Variants in GRAMD1A observed in about 807,000 individuals in gnomAD.
GRAMD1A encodes protein Aster-A.
GRAMD1A carries 50 observed loss-of-function variants against 92.0 expected under a neutral mutation model. The ratio of observed to expected loss-of-function variants is 0.54; its 90% CI spans 0.43 to 0.69. The LOEUF is 0.69. Among genes scored for constraint, GRAMD1A ranks in the 30% least tolerant of loss-of-function variants. GRAMD1A has a pLI of 0.00. For missense variants in GRAMD1A, 819 were observed against 978.9 expected, an observed-to-expected ratio of 0.84 and a Z score of 2.18; for synonymous variants, 405 against 403.6, an observed-to-expected ratio of 1.00 and a Z score of -0.04.
intron 7 of GRAMD1A, among the ~76,000 whole-genome samples, chr19:35,012,170 A>G (rs972078429): frequency 2.6e-5 from 4 of 152,196 alleles, no homozygotes; most frequent in Non-Finnish European, 5.9e-5. Context: ...GTCAGCTCTT[A>G]TGAGCAGAGT....
At chr19:35,006,911 C>G (rs1312780271) in intron 1 of GRAMD1A, among the ~76,000 whole-genome samples, 1 of 152,168 alleles carries the variant, frequency 6.6e-6, no homozygotes, top group Non-Finnish European at 1.5e-5. Flanking sequence ...GGGGACAGAG[C>G]TGGTGATGCC....
Position 35,010,516 on chromosome 19 carries a change from G to A in GRAMD1A, c.525+137G>A, listed in dbSNP as rs1385406405. On this transcript the variant is annotated intron_variant, in intron 6 of 19. Transcript: ENST00000317991. ...CCTTCTCTCTGTTCTCCCGGCCCAGGCGCCCATCACCCCTGACCTGATCCC... is the reference window on the plus strand; with the variant it reads ...CCTTCTCTCTGTTCTCCCGGCCCAGACGCCCATCACCCCTGACCTGATCCC... 4.5e-6 allele frequency: 3 copies of A among 663,314 alleles called. No homozygotes were observed. The African/African-American group carries it at 5.4e-5, about 12-fold the overall frequency. 41.1% of individuals were successfully genotyped at this position (663,314 alleles called of 1,614,324 possible).
At position 35,002,162 on chromosome 19, in the gene GRAMD1A, C is replaced by T. The variant is rs183727685; in HGVS notation, c.8+1676C>T. ...CTCTGTAGGCTTGGAACCCTCCCTT[C>T]TAAGACCCTGGGAGTACCCAGGGCA... On this transcript the variant is annotated intron_variant, in intron 1 of 19. Transcript: ENST00000317991. 3.2e-3 allele frequency among the ~76,000 whole-genome samples: 485 copies of T among 152,196 alleles called. 7 individuals carry two copies. Among genetic ancestry groups the T allele is most frequent in the Non-Finnish European group, 2.2e-3 (153 of 68,012 alleles).
In GRAMD1A at chr19:35,010,292, C is replaced by G. The variant is rs1398416661; in HGVS notation, c.438C>G (p.Ile146Met). ...NIFRWETTIS[I>M]QLKEVTCLKK... ...CCTCCTGCTGTCCTCAGATCTCCAT[C>G]CAGCTGAAGGAAGTGACATGTCTGA... Residue 146 changes from isoleucine to methionine, a missense_variant, in exon 6 of 20, where the codon ATC (isoleucine) becomes ATG (methionine). This residue lies in a region of GRAMD1A where 144 missense variants were observed against 220.3 expected (regional missense o/e 0.65). Coordinates refer to ENST00000317991, the MANE Select transcript of GRAMD1A (RefSeq NM_020895.5). 6.2e-7 allele frequency: 1 copy of G among 1,612,868 alleles called. No homozygotes were observed.
chr19:34,995,571 G>GTTTTTTTTT (rs59556577), upstream of GRAMD1A, among the ~76,000 whole-genome samples: 2 of 93,652 alleles, frequency 2.1e-5, no homozygotes, highest in Non-Finnish European at 4.4e-5. Flanking sequence ...CAGATCACGG[G>GTTTTTTTTT]TTTTTTTTTT....
upstream of GRAMD1A, chr19:34,996,233 AC>A: frequency 5.9e-6 from 9 of 1,534,998 alleles, no homozygotes; most frequent in Non-Finnish European, 7.9e-6. Flanking sequence ...CTGCACCCCA[AC>A]CCCCCGACGC....
At chr19:35,005,598 A>T (rs1369252142) in intron 1 of GRAMD1A, among the ~76,000 whole-genome samples, 1 of 152,100 alleles carries the variant, frequency 6.6e-6, no homozygotes, top group Admixed American at 6.5e-5. Flanking sequence ...GGCTGCTGGG[A>T]TGGCCCAGGG....
At chr19:35,025,988 G>A in intron 19 of GRAMD1A, 61 bp from the exon 20 acceptor site, 1 of 851,700 alleles carries the variant, frequency 1.2e-6, no homozygotes, top group Non-Finnish European at 2.0e-6. Context: ...GGTGGGGGTG[G>A]GCGACATCAC....
intron 9 of GRAMD1A, 104 bp from the exon 10 acceptor site, chr19:35,014,085 C>T: frequency 1.8e-6 from 2 of 1,100,640 alleles, no homozygotes; most frequent in East Asian, 2.5e-5. Context: ...GCACACACCA[C>T]CCCGGGTCTG....
intron 16 of GRAMD1A, 79 bp from the exon 17 acceptor site, chr19:35,022,821 G>C: frequency 1.3e-6 from 2 of 1,486,700 alleles, no homozygotes; most frequent in Non-Finnish European, 1.8e-6. Flanking sequence ...GAGCTGCCCC[G>C]GGTGAGGAGG....
At chr19:35,000,090 C>G, upstream of GRAMD1A, 4 of 988,478 alleles carry the variant, frequency 4.0e-6, no homozygotes, top group Non-Finnish European at 4.8e-6. The surrounding 1 kb of genome is among the most constrained non-coding windows in gnomAD (Gnocchi z 4.9). Context: ...GGGCAGGCAG[C>G]TGCCTCCACG....
chr19:35,020,479 A>T (rs2015968122), intron 13 of GRAMD1A, among the ~76,000 whole-genome samples: 1 of 152,106 alleles, frequency 6.6e-6, no homozygotes, highest in South Asian at 2.1e-4. Context: ...TGGAGGTTGC[A>T]GTGAGCCGAG....
At chr19:35,023,573 TCGGGGCTG>T (rs781151860) in intron 19 of GRAMD1A, 26 bp downstream of exon 19, 5 of 1,554,232 alleles carry the variant, frequency 3.2e-6, no homozygotes, top group Non-Finnish European at 4.3e-6. Context: ...CGGGCAGGGC[TCGGGGCTG>T]CGGGGCTGCA....
At chr19:35,025,663 A>C (rs2016382442) in intron 19 of GRAMD1A, among the ~76,000 whole-genome samples, 1 of 152,178 alleles carries the variant, frequency 6.6e-6, no homozygotes, top group Non-Finnish European at 1.5e-5. Flanking sequence ...CTGAGCACTT[A>C]GTGTACACCA....
rs200671756 is a variant in GRAMD1A at position 35,022,237 on chromosome 19, C to CG, written c.1841+207dup. Among the ~76,000 whole-genome samples, 253 of 151,620 alleles carry CG rather than the reference C, an allele frequency of 1.7e-3. 2 individuals are homozygous for CG. The highest frequency in any genetic ancestry group is 4.7e-3 in the Admixed American group (72 of 15,216). On this transcript the variant is annotated intron_variant, in intron 16 of 19. Coordinates refer to ENST00000317991, the MANE Select transcript of GRAMD1A (RefSeq NM_020895.5). ...GCCTTCCCTGCTAGAACAGCAGAGC[C>CG]GGGGGGGGCTATGGGAGATCAGAGG...
In GRAMD1A at chr19:35,000,592, G is replaced by A. The variant is rs925722049; in HGVS notation, c.8+106G>A. On this transcript the variant is annotated intron_variant, in intron 1 of 19. Coordinates refer to ENST00000317991, the MANE Select transcript of GRAMD1A (RefSeq NM_020895.5). This position sits in a 1 kb window ranked among gnomAD's most constrained non-coding sequence, Gnocchi z 4.9. The stretch of plus-strand genomic sequence containing the variant: ...AGGGGGCGGAGCGGCCGCTGCAGAG[G>A]TCGGGGGCCTCTGCACATGGCTCTG... 9.5e-6 allele frequency: 8 copies of A among 839,688 alleles called. No homozygotes were observed. The highest frequency in any genetic ancestry group is 4.6e-5 in the Admixed American group (1 of 21,604). 52.0% of individuals were successfully genotyped at this position (839,688 alleles called of 1,614,324 possible). A position where few individuals can be genotyped will look rare whatever the true frequency, so the allele number is the denominator to read the frequency against.
chr19:35,009,005 G>A (rs2015020989), intron 1 of GRAMD1A, 114 bp from the exon 2 acceptor site: 1 of 713,028 alleles, frequency 1.4e-6, no homozygotes, highest in Non-Finnish European at 2.5e-6. Flanking sequence ...CAGGATGGCT[G>A]GGTGGATGGG....
intron 11 of GRAMD1A, among the ~76,000 whole-genome samples, chr19:35,016,949 T>A (rs67078714): frequency 0.41 from 58,636 of 144,138 alleles, 12,394 homozygotes; most frequent in African/African-American, 0.52. Context: ...AGGTGGGAAG[T>A]TCATGTCAGC....
At chr19:35,019,969 A>G (rs1370843676) in intron 13 of GRAMD1A, among the ~76,000 whole-genome samples, 1 of 152,174 alleles carries the variant, frequency 6.6e-6, no homozygotes, top group Non-Finnish European at 1.5e-5. Context: ...TGGGAAAGAA[A>G]TGTTTCACCA....
Sources: allele counts gnomAD v4.1 joint callset (sites outside exome capture counted in the v4.1 genomes callset), GRCh38; gene constraint gnomAD v4.1.1; regional missense constraint gnomAD v4.1.1; non-coding constraint Gnocchi (gnomAD v3.1); transcripts MANE v1.5; gene names NCBI Gene and HGNC (gene_info 2026-07-23, HGNC 2026-07-21).